The following NIPBL variants were observed in gnomAD, a reference collection of about 807,000 sequenced individuals.
The protein encoded by NIPBL is nipped-B-like protein.
Under a neutral mutation model 321.8 loss-of-function variants are expected in NIPBL, and 19 were observed. That is an observed-to-expected ratio of 0.06 (90% CI 0.04 to 0.09). The LOEUF (loss-of-function observed/expected upper bound fraction) is 0.09, where lower values mean the gene tolerates loss of function less well. Ranked by LOEUF, NIPBL falls within the 10% of genes least tolerant of loss-of-function variation. The pLI is 1.00. For synonymous variants in NIPBL, 1,106 were observed against 1,114.1 expected (o/e 0.99, Z 0.14); for missense variants, 2,210 against 3,327.0 (o/e 0.66, Z 8.26).
intron 1 of NIPBL, among the ~76,000 whole-genome samples, chr5:36,900,086 A>G (rs1345972794): frequency 6.6e-6 from 1 of 152,160 alleles, no homozygotes; most frequent in Non-Finnish European, 1.5e-5. Flanking sequence ...TGTTTTGAAT[A>G]TTTGACTGGC....
At chr5:37,046,486 A>C (rs554404803) in intron 38 of NIPBL, among the ~76,000 whole-genome samples, 1 of 152,260 alleles carries the variant, frequency 6.6e-6, no homozygotes, top group African/African-American at 2.4e-5. Flanking sequence ...GGGTATCTTA[A>C]GAACATTTAT....
chr5:37,036,662 TATTAAG>T (rs1362070617), intron 33 of NIPBL, among the ~76,000 whole-genome samples, 175 bp downstream of exon 33: 1 of 150,806 alleles, frequency 6.6e-6, no homozygotes, highest in African/African-American at 2.4e-5. Flanking sequence ...TCCTAGATTA[TATTAAG>T]ATTGACTAAG....
chr5:36,878,850 C>T (rs1745292655), intron 1 of NIPBL, among the ~76,000 whole-genome samples: 1 of 152,078 alleles, frequency 6.6e-6, no homozygotes, highest in African/African-American at 2.4e-5. Context: ...TTTTAAAAAG[C>T]CTGAAGCTCC....
chr5:37,003,386 G>A (rs1167228822), intron 16 of NIPBL, 39 bp downstream of exon 16: 2 of 1,236,918 alleles, frequency 1.6e-6, no homozygotes, highest in African/African-American at 1.5e-5. Flanking sequence ...TACCCTTAAT[G>A]TTATTAAGAT....
intron 34 of NIPBL, 29 bp from the exon 35 acceptor site, chr5:37,044,318 T>C: frequency 6.2e-7 from 1 of 1,604,834 alleles, no homozygotes; most frequent in South Asian, 1.1e-5. Flanking sequence ...GTTTTGGATA[T>C]TCATAAAGCA....
chr5:36,929,387 C>A (rs1429555344), intron 1 of NIPBL, among the ~76,000 whole-genome samples: 1 of 151,932 alleles, frequency 6.6e-6, no homozygotes, highest in East Asian at 1.9e-4. Context: ...TAAGTAAGTT[C>A]TTTGCCCATT....
In NIPBL at chr5:36,996,243, T is replaced by C. The variant is rs570699953; in HGVS notation, c.3304+439T>C. On this transcript the variant is annotated intron_variant, in intron 11 of 46. Coordinates refer to ENST00000282516, the MANE Select transcript of NIPBL (RefSeq NM_133433.4). The surrounding 1 kb of genome is among the most constrained non-coding windows in gnomAD (Gnocchi z 5.0). The stretch of plus-strand genomic sequence containing the variant: ...GCTATGGGAACACATTGGATTGGCA[T>C]CAAAATCAGAGTGGGGGCTCAGGGA... 1.5e-4 allele frequency among the ~76,000 whole-genome samples: 23 copies of C among 152,272 alleles called. No individual in the cohort carries two copies. Among genetic ancestry groups the C allele is most frequent in the African/African-American group, 5.5e-4 (23 of 41,562 alleles).
Position 37,024,723 on chromosome 5 carries a change from G to C in NIPBL, c.5709+4G>C, listed in dbSNP as rs370325589. On this transcript the variant is annotated splice_donor_region_variant and intron_variant, in intron 30 of 46. Coordinates refer to ENST00000282516, the MANE Select transcript of NIPBL (RefSeq NM_133433.4). ...CAATGATGAAGAGGGCATTAAGGTA[G>C]TGTTGACTGTTTTAAATTTATTTTT... The C allele has an allele frequency of 6.2e-7, 1 of 1,606,072 alleles. No individual in the cohort carries two copies. Among genetic ancestry groups the C allele is most frequent in the African/African-American group, 1.3e-5 (1 of 74,820 alleles).
At chr5:37,055,344 C>A (rs560531744) in intron 42 of NIPBL, among the ~76,000 whole-genome samples, 3 of 133,206 alleles carry the variant, frequency 2.3e-5, no homozygotes, top group Non-Finnish European at 4.6e-5. Flanking sequence ...GAGCGAGACT[C>A]CATCTCAACA....
At chr5:36,967,360 A>G (rs980217706) in intron 6 of NIPBL, among the ~76,000 whole-genome samples, 1 of 152,146 alleles carries the variant, frequency 6.6e-6, no homozygotes, top group Non-Finnish European at 1.5e-5. Context: ...TAAAATTCAT[A>G]TACCTCACTC....
intron 1 of NIPBL, among the ~76,000 whole-genome samples, chr5:36,943,476 T>C (rs773855933): frequency 1.3e-5 from 2 of 152,120 alleles, no homozygotes; most frequent in African/African-American, 2.4e-5. Flanking sequence ...ATAGATTGAA[T>C]GCTATATCTA....
chr5:36,903,190 A>T (rs1210875897), intron 1 of NIPBL, among the ~76,000 whole-genome samples: 2 of 152,160 alleles, frequency 1.3e-5, no homozygotes, highest in Non-Finnish European at 2.9e-5. Flanking sequence ...GTTTTCTAGG[A>T]ATAGGATCAT....
chr5:36,958,005 A>G lies in NIPBL; in HGVS notation c.231-99A>G. ...TCTCAAAAAAAAAAAAAAAAAATTC[A>G]TATTGTTGGCCATACCAGTGTGATT... On this transcript the variant is annotated intron_variant, in intron 3 of 46. Coordinates refer to ENST00000282516, the MANE Select transcript of NIPBL (RefSeq NM_133433.4). 1.3e-5 allele frequency: 15 copies of G among 1,165,778 alleles called. No homozygotes were observed. In the South Asian group the frequency reaches 1.9e-4, roughly 15 times the overall value. 72.2% of individuals were successfully genotyped at this position (1,165,778 alleles called of 1,614,324 possible).
intron 34 of NIPBL, among the ~76,000 whole-genome samples, chr5:37,043,478 G>A (rs1752662802): frequency 6.6e-6 from 1 of 151,358 alleles, no homozygotes; most frequent in Non-Finnish European, 1.5e-5. Context: ...AGTGAGCCAA[G>A]ATCATGCCAC....
chr5:37,001,110 C>G, intron 14 of NIPBL, 32 bp downstream of exon 14: 1 of 1,359,052 alleles, frequency 7.4e-7, no homozygotes, highest in East Asian at 2.3e-5. Flanking sequence ...TTTACACATA[C>G]TCTAAGTGTC....
intron 1 of NIPBL, among the ~76,000 whole-genome samples, chr5:36,935,855 T>G (rs1580272383): frequency 6.6e-6 from 1 of 152,054 alleles, no homozygotes; most frequent in African/African-American, 2.4e-5. Flanking sequence ...TGTGGCTACC[T>G]AAAACCCCAG....
At chr5:37,046,288 TTAATA>T (rs1752974302) in intron 38 of NIPBL, 89 bp downstream of exon 38, 1 of 794,562 alleles carries the variant, frequency 1.3e-6, no homozygotes, top group Non-Finnish European at 2.2e-6. Flanking sequence ...TTGATTTACT[TTAATA>T]TGTTTCTATT....
At chr5:36,966,668 A>G (rs1342306007) in intron 6 of NIPBL, among the ~76,000 whole-genome samples, 1 of 152,072 alleles carries the variant, frequency 6.6e-6, no homozygotes, top group Non-Finnish European at 1.5e-5. Context: ...GTTTTTACAA[A>G]GTCATTGGAA....
Position 36,958,155 on chromosome 5 carries a change from C to T in NIPBL, c.282C>T (p.Val94=). ...ATGACCCAGAAGGTGACATACCAGT[C>T]TTGTTGCAGGCCGTCCTGGCAAGGA... ...GSDDPEGDIP[V]LLQAVLARSP... Residue 94 remains valine (V), a synonymous_variant, in exon 4 of 47, where the codon GTC becomes GTT. Transcript: ENST00000282516. The T allele has an allele frequency of 6.2e-7, 1 of 1,613,986 alleles. No individual in the cohort carries two copies. The highest frequency in any genetic ancestry group is 8.5e-7 in the Non-Finnish European group (1 of 1,179,906).
Sources: gnomAD v4.1 joint callset for allele counts (sites outside exome capture counted in the v4.1 genomes callset) on GRCh38, gnomAD v4.1.1 for gene constraint, Gnocchi (gnomAD v3.1) non-coding constraint, MANE v1.5 for transcripts, NCBI Gene and HGNC (gene_info 2026-07-23, HGNC 2026-07-21) for gene names.